Variants in PPFIA2 observed in about 807,000 individuals in gnomAD.
PPFIA2 encodes the protein PPFI scaffold protein A2, also known as liprin-alpha-2.
A neutral mutation model predicts 175.5 loss-of-function variants in PPFIA2; 46 were observed. That is an observed-to-expected ratio of 0.26 (90% CI 0.21 to 0.34). The LOEUF (loss-of-function observed/expected upper bound fraction) is 0.34, where lower values mean the gene tolerates loss of function less well. Among genes scored for constraint, PPFIA2 ranks in the 10% least tolerant of loss-of-function variants. The pLI, the probability that PPFIA2 is intolerant of heterozygous loss-of-function variation, is 1.00. For synonymous variants in PPFIA2, 568 were observed against 511.4 expected (o/e 1.11, Z -1.49); for missense variants, 1,179 against 1,506.1 (o/e 0.78, Z 3.60).
At chr12:81,514,876 T>C (rs1342466743) in intron 4 of PPFIA2, among the ~76,000 whole-genome samples, 1 of 151,966 alleles carries the variant, frequency 6.6e-6, no homozygotes, top group Non-Finnish European at 1.5e-5. Context: ...CATTTTATCA[T>C]TTAAGCTGTC....
chr12:81,676,730 A>G, intron 4 of PPFIA2, 61 bp downstream of exon 4: 1 of 1,182,108 alleles, frequency 8.5e-7, no homozygotes, highest in Non-Finnish European at 1.2e-6. Context: ...ATCAACTGAT[A>G]ATCTGGTGTG....
At chr12:81,706,958 G>A (rs1007565682) in intron 3 of PPFIA2, among the ~76,000 whole-genome samples, 1 of 152,056 alleles carries the variant, frequency 6.6e-6, no homozygotes, top group Non-Finnish European at 1.5e-5. Flanking sequence ...TGGGAAAACT[G>A]GCTAGCCATA....
At chr12:81,718,567 G>T (rs553716695) in intron 3 of PPFIA2, among the ~76,000 whole-genome samples, 2 of 151,476 alleles carry the variant, frequency 1.3e-5, no homozygotes, top group Non-Finnish European at 3.0e-5. Flanking sequence ...GAACCCAGAC[G>T]GGCTCTCAAA....
intron 8 of PPFIA2, among the ~76,000 whole-genome samples, chr12:81,393,002 C>T (rs1437870404): frequency 6.6e-6 from 1 of 152,044 alleles, no homozygotes; most frequent in African/African-American, 2.4e-5. Context: ...GTCATCTACT[C>T]TCCTTTGAAT....
chr12:81,405,910 A>G lies in PPFIA2; in HGVS notation c.646-7T>C. ...GTTCACGCAAGGCAACAATCTGCAA[A>G]ATAAAAGCACTATGCCTTTAAAGTC... On this transcript the variant is annotated splice_polypyrimidine_tract_variant and splice_region_variant and intron_variant, in intron 7 of 32. Coordinates refer to ENST00000549396, the MANE Select transcript of PPFIA2 (RefSeq NM_003625.5). 1 of 1,518,532 alleles carries G rather than the reference A, an allele frequency of 6.6e-7. No homozygotes were observed. Among genetic ancestry groups the G allele is most frequent in the Non-Finnish European group, 9.0e-7 (1 of 1,116,810 alleles). 94.1% of individuals were successfully genotyped at this position (1,518,532 alleles called of 1,614,324 possible).
At chr12:81,626,859 T>C (rs2062770835) in intron 4 of PPFIA2, among the ~76,000 whole-genome samples, 1 of 152,098 alleles carries the variant, frequency 6.6e-6, no homozygotes, top group African/African-American at 2.4e-5. Flanking sequence ...TTCATCTTGA[T>C]GTAAAATTTA....
At chr12:81,517,594 T>C (rs568838604) in intron 4 of PPFIA2, among the ~76,000 whole-genome samples, 1 of 152,150 alleles carries the variant, frequency 6.6e-6, no homozygotes, top group Non-Finnish European at 1.5e-5. Flanking sequence ...AGGTTAAGAT[T>C]GACTGAACCT....
In PPFIA2 at chr12:81,581,774, G is replaced by A. The variant is rs545013113; in HGVS notation, c.303+95017C>T. On this transcript the variant is annotated intron_variant, in intron 4 of 32. Transcript: ENST00000549396. ...AACAAAAACAACCCTGATATTTTTG[G>A]TTTTCTTTCAGTGTTTCTGTATCAT... is the stretch of plus-strand genomic sequence containing the variant. Among the ~76,000 whole-genome samples the A allele has an allele frequency of 9.2e-5, 14 of 151,492 alleles. No individual in the cohort carries two copies. In the South Asian group the frequency reaches 2.9e-3, roughly 31 times the overall value.
At chr12:81,440,176 T>C (rs2049900509) in intron 6 of PPFIA2, 130 bp from the exon 7 acceptor site, 2 of 555,462 alleles carry the variant, frequency 3.6e-6, no homozygotes, top group Non-Finnish European at 6.1e-6. Context: ...CCCTGCGTGC[T>C]CAGAATACTA....
chr12:81,369,795 T>A (rs1387574183), intron 11 of PPFIA2, among the ~76,000 whole-genome samples: 1 of 151,644 alleles, frequency 6.6e-6, no homozygotes, highest in Admixed American at 6.6e-5. Context: ...CACAGAATGC[T>A]TAAAAGAAAA....
chr12:81,286,846 A>G (rs954082350), intron 24 of PPFIA2, among the ~76,000 whole-genome samples: 1 of 152,010 alleles, frequency 6.6e-6, no homozygotes, highest in Admixed American at 6.6e-5. Flanking sequence ...TGTTTTTTCT[A>G]TAAGATAAAT....
At chr12:81,566,014 T>C (rs181002841) in intron 4 of PPFIA2, among the ~76,000 whole-genome samples, 246 of 152,274 alleles carry the variant, frequency 1.6e-3, no homozygotes, top group African/African-American at 5.8e-3. Context: ...TGGGAGAGAA[T>C]TAGGTTTTAA....
chr12:81,754,110 T>C lies in PPFIA2; in HGVS notation c.112A>G (p.Met38Val). 5.0e-6 allele frequency: 8 copies of C among 1,613,874 alleles called. No individual in the cohort carries two copies. Among genetic ancestry groups the C allele is most frequent in the Non-Finnish European group, 6.8e-6 (8 of 1,179,856 alleles). ...AGAAGACGATCCCTTTCATCTAGCA[T>C]ATTCACCATCAGCTGCTCAAAATGG... ...DSHFEQLMVN[M>V]LDERDRLLDT... is the part of the protein sequence containing the mutation. The change falls in exon 3 of 33, where the codon ATG becomes GTG. Residue 38 changes from methionine (M) to valine (V), a missense_variant. This residue lies in a region of PPFIA2 where 128 missense variants were observed against 141.4 expected (regional missense o/e 0.91). Coordinates refer to ENST00000549396, the MANE Select transcript of PPFIA2 (RefSeq NM_003625.5).
chr12:81,365,624 A>T (rs889850411), intron 14 of PPFIA2, among the ~76,000 whole-genome samples: 2 of 151,736 alleles, frequency 1.3e-5, no homozygotes, highest in Non-Finnish European at 2.9e-5. Flanking sequence ...GATTCATCAA[A>T]TCAATCATCT....
Position 81,450,489 on chromosome 12 carries a change from GT to G in PPFIA2, c.406-4770del, listed in dbSNP as rs920012643. On this transcript the variant is annotated intron_variant, in intron 5 of 32. Coordinates refer to ENST00000549396, the MANE Select transcript of PPFIA2 (RefSeq NM_003625.5). ...CGCCCACTTTTTGATAGGGTTGTTT[GT>G]TTTTTTTCTTGTAAATTTGTTTGAG... 7.9e-5 allele frequency among the ~76,000 whole-genome samples: 12 copies of G among 151,834 alleles called. 1 individual carries two copies. The highest frequency in any genetic ancestry group is 2.7e-4 in the African/African-American group (11 of 41,422).
At chr12:81,519,544 C>G (rs565929483) in intron 4 of PPFIA2, among the ~76,000 whole-genome samples, 1 of 152,250 alleles carries the variant, frequency 6.6e-6, no homozygotes, top group South Asian at 2.1e-4. Flanking sequence ...TACAGTTAGT[C>G]GCAGGTCTGT....
intron 4 of PPFIA2, among the ~76,000 whole-genome samples, chr12:81,534,382 G>C (rs928297537): frequency 2.6e-5 from 4 of 151,578 alleles, no homozygotes; most frequent in Non-Finnish European, 5.9e-5. Context: ...CAGGGTGATG[G>C]ATATCCTAAA....
intron 22 of PPFIA2, chr12:81,302,688 T>C (rs1441471441): frequency 2.2e-6 from 1 of 453,554 alleles, no homozygotes; most frequent in Non-Finnish European, 4.4e-6. Flanking sequence ...ACTCCAGATG[T>C]GCTTTTCCTT....
At chr12:81,283,294 T>G (rs1056830920) in intron 25 of PPFIA2, among the ~76,000 whole-genome samples, 5 of 152,084 alleles carry the variant, frequency 3.3e-5, no homozygotes, top group African/African-American at 1.2e-4. Context: ...TTTGATTTGG[T>G]CATTACAAAC....
Sources: gnomAD v4.1 joint callset for allele counts (sites outside exome capture counted in the v4.1 genomes callset) on GRCh38, gnomAD v4.1.1 for gene constraint, gnomAD v4.1.1 regional missense constraint, MANE v1.5 for transcripts, NCBI Gene and HGNC (gene_info 2026-07-23, HGNC 2026-07-21) for gene names.